SLC22A14: variants seen among roughly 807,000 people sequenced by gnomAD.
SLC22A14 encodes organic cation transporter-like 4.
SLC22A14 carries 50 observed loss-of-function variants against 53.9 expected under a neutral mutation model. The ratio of observed to expected loss-of-function variants is 0.93; its 90% CI spans 0.74 to 1.17. The LOEUF is 1.17. SLC22A14 is among the 50% of genes most tolerant of loss of function. The pLI, the probability that SLC22A14 is intolerant of heterozygous loss-of-function variation, is 0.00. For missense variants in SLC22A14, 671 were observed against 734.7 expected (o/e 0.91, Z 1.00); for synonymous variants, 312 against 303.0 (o/e 1.03, Z -0.31).
intron 1 of SLC22A14, among the ~76,000 whole-genome samples, chr3:38,302,347 T>TATATACATA (rs1575413319): frequency 6.7e-6 from 1 of 148,160 alleles, no homozygotes; most frequent in Non-Finnish European, 1.5e-5. Context: ...TATATTTATA[T>TATATACATA]TTTCTAATAG....
At chr3:38,294,244 G>A (rs949288306) in intron 1 of SLC22A14, among the ~76,000 whole-genome samples, 5 of 152,252 alleles carry the variant, frequency 3.3e-5, no homozygotes, top group African/African-American at 4.8e-5. Context: ...AGTAGACTCC[G>A]AGGGCTTCCT....
At chr3:38,280,857 T>C (rs1703653427), upstream of SLC22A14, among the ~76,000 whole-genome samples, 1 of 152,252 alleles carries the variant, frequency 6.6e-6, no homozygotes, top group Non-Finnish European at 1.5e-5. Flanking sequence ...CTTGAACTCC[T>C]GACCTCAGGT....
At position 38,307,233 on chromosome 3, in the gene SLC22A14, A is replaced by G. The variant is rs1315180487; in HGVS notation, c.517-21A>G. The stretch of plus-strand genomic sequence containing the variant: ...ACCCAAAGGTGGGCACCCGTGGCCA[A>G]TCTCTGTGTCTGACCCACAGTTTGA... On this transcript the variant is annotated intron_variant, in intron 2 of 10. Transcript: ENST00000448498. The surrounding 1 kb of genome is among the most constrained non-coding windows in gnomAD (Gnocchi z 4.4). 31 of 1,588,290 alleles carry G rather than the reference A, an allele frequency of 2.0e-5. No individual in the cohort carries two copies. In the Admixed American group the frequency reaches 5.0e-4, roughly 26 times the overall value.
chr3:38,281,793 T>C (rs1314070888), upstream of SLC22A14, among the ~76,000 whole-genome samples: 1 of 152,196 alleles, frequency 6.6e-6, no homozygotes, highest in Non-Finnish European at 1.5e-5. Context: ...TGGTCTGCCT[T>C]GTACTAGGCC....
chr3:38,309,307 C>G (rs746765960), intron 5 of SLC22A14, among the ~76,000 whole-genome samples, 185 bp downstream of exon 5: 1 of 152,120 alleles, frequency 6.6e-6, no homozygotes. Flanking sequence ...ACCTCCTCCC[C>G]GACCCAGAGA....
intron 1 of SLC22A14, among the ~76,000 whole-genome samples, chr3:38,295,794 C>G (rs945718893): frequency 1.0e-3 from 151 of 151,698 alleles, no homozygotes; most frequent in African/African-American, 3.5e-3. Flanking sequence ...CTGTCTCTCT[C>G]TCTGTCTGTC....
intron 9 of SLC22A14, 62 bp from the exon 10 acceptor site, chr3:38,316,262 T>C: frequency 6.9e-7 from 1 of 1,459,226 alleles, no homozygotes. Flanking sequence ...ATGTAGCTGC[T>C]GGCCCTGCCC....
intron 5 of SLC22A14, among the ~76,000 whole-genome samples, chr3:38,311,626 G>T (rs1221290529): frequency 2.1e-5 from 3 of 145,700 alleles, no homozygotes; most frequent in African/African-American, 8.4e-5. Context: ...GACTTCTTCT[G>T]CCAAATGTCC....
At chr3:38,288,674 A>G (rs528307867) in intron 1 of SLC22A14, among the ~76,000 whole-genome samples, 5 of 152,280 alleles carry the variant, frequency 3.3e-5, no homozygotes, top group African/African-American at 9.6e-5. Context: ...CTATATTTCA[A>G]TATTATAAAT....
At chr3:38,295,434 A>G (rs1335461937) in intron 1 of SLC22A14, among the ~76,000 whole-genome samples, 1 of 152,216 alleles carries the variant, frequency 6.6e-6, no homozygotes, top group Non-Finnish European at 1.5e-5. Context: ...TACAGATTGA[A>G]TGCATTTGGG....
In SLC22A14 at chr3:38,285,903, T is replaced by G. The variant is rs533782106; in HGVS notation, c.-1+3564T>G. Among the ~76,000 whole-genome samples, 3 of 152,350 alleles carry G rather than the reference T, an allele frequency of 2.0e-5. No individual in the cohort carries two copies. The East Asian group carries it at 5.8e-4, about 29-fold the overall frequency. On this transcript the variant is annotated intron_variant, in intron 1 of 10. Coordinates refer to ENST00000448498, the MANE Select transcript of SLC22A14 (RefSeq NM_001320033.2). The stretch of plus-strand genomic sequence containing the variant: ...TATGAATAATTCTGCCAGGAATGTA[T>G]GCAAGATAGTTTTCTCCACCACTTG...
At chr3:38,279,434 G>A (rs566379456), upstream of SLC22A14, among the ~76,000 whole-genome samples, 2 of 152,260 alleles carry the variant, frequency 1.3e-5, no homozygotes, top group South Asian at 4.1e-4. Flanking sequence ...AGACCTGAAT[G>A]GCCAAGACTG....
chr3:38,292,689 G>T (rs1184096661), intron 1 of SLC22A14, among the ~76,000 whole-genome samples: 1 of 152,110 alleles, frequency 6.6e-6, no homozygotes, highest in Non-Finnish European at 1.5e-5. Flanking sequence ...TTCTTTGCTT[G>T]TCCATATTGT....
chr3:38,297,359 TC>T (rs1427352890), intron 1 of SLC22A14, among the ~76,000 whole-genome samples: 2 of 152,218 alleles, frequency 1.3e-5, no homozygotes, highest in African/African-American at 2.4e-5. Context: ...CTGGGAAAGT[TC>T]CTCAGCCTTT....
At chr3:38,315,736 G>C (rs1195985067) in intron 9 of SLC22A14, 25 bp downstream of exon 9, 1 of 1,604,140 alleles carries the variant, frequency 6.2e-7, no homozygotes, top group Non-Finnish European at 8.5e-7. Flanking sequence ...GGGCGAGGGG[G>C]CCATGGGGAC....
intron 1 of SLC22A14, among the ~76,000 whole-genome samples, chr3:38,290,647 T>C (rs1325775396): frequency 1.3e-5 from 2 of 152,234 alleles, no homozygotes; most frequent in Non-Finnish European, 2.9e-5. Flanking sequence ...GTAATTTTCA[T>C]TGGTTAGCTG....
intron 1 of SLC22A14, among the ~76,000 whole-genome samples, chr3:38,289,276 A>T (rs554961940): frequency 6.6e-6 from 1 of 151,848 alleles, no homozygotes; most frequent in Admixed American, 6.6e-5. Flanking sequence ...CATCTTACTT[A>T]TCTAACCCAG....
chr3:38,284,500 CCT>C (rs1423857612), intron 1 of SLC22A14, among the ~76,000 whole-genome samples: 1 of 152,234 alleles, frequency 6.6e-6, no homozygotes, highest in Non-Finnish European at 1.5e-5. Context: ...CAAGGCCCGT[CCT>C]CTAAAGAATT....
chr3:38,310,106 A>G lies in SLC22A14; in HGVS notation c.944+984A>G, dbSNP rs541751847. Among the ~76,000 whole-genome samples, 616 of 152,326 alleles carry G rather than the reference A, an allele frequency of 4.0e-3. 4 individuals carry two copies. Among genetic ancestry groups the G allele is most frequent in the Non-Finnish European group, 5.0e-3 (337 of 68,026 alleles). On this transcript the variant is annotated intron_variant, in intron 5 of 10. Coordinates refer to ENST00000448498, the MANE Select transcript of SLC22A14 (RefSeq NM_001320033.2). ...GGTTAACAGCATGGGGGCTGGGCGCAGTGGCTCATGCCTGTAATCCCAACA... is the reference window on the plus strand; with the variant it reads ...GGTTAACAGCATGGGGGCTGGGCGCGGTGGCTCATGCCTGTAATCCCAACA...
Sources: allele counts gnomAD v4.1 joint callset (sites outside exome capture counted in the v4.1 genomes callset), GRCh38; gene constraint gnomAD v4.1.1; non-coding constraint Gnocchi (gnomAD v3.1); transcripts MANE v1.5; gene names NCBI Gene and HGNC (gene_info 2026-07-23, HGNC 2026-07-21).